Variants in CCR9 observed in about 807,000 individuals in gnomAD.
The protein encoded by CCR9 is C-C motif chemokine receptor 9.
In CCR9, 4 loss-of-function variants were observed where a neutral mutation model predicts 8.7. The ratio of observed to expected loss-of-function variants is 0.46; its 90% CI spans 0.23 to 1.06. The LOEUF is 1.06. Ranked by LOEUF, CCR9 falls within the 50% of genes least tolerant of loss-of-function variation. CCR9 has a pLI of 0.21. For synonymous variants in CCR9, 159 were observed against 168.8 expected (o/e 0.94, Z 0.45); for missense variants, 394 against 453.6 (o/e 0.87, Z 1.19).
In CCR9 at chr3:45,901,637, C is replaced by T. The variant is rs1335171708; in HGVS notation, c.849C>T (p.Ala283=). Residue 283 remains alanine, a synonymous_variant, in exon 3 of 3, where the codon GCC becomes GCT. Transcript: ENST00000357632. This position sits in a 1 kb window ranked among gnomAD's most constrained non-coding sequence, Gnocchi z 4.3. ...ILLVQTIDAY[A]MFISNCAVST... is the part of the protein sequence containing the mutation. ...TGGTGCAGACCATTGACGCCTATGC[C>T]ATGTTCATCTCCAACTGTGCCGTTT... 1 of 1,614,178 alleles carries T rather than the reference C, an allele frequency of 6.2e-7. No individual in the cohort carries two copies. The highest frequency in any genetic ancestry group is 8.5e-7 in the Non-Finnish European group (1 of 1,180,004).
intron 2 of CCR9, among the ~76,000 whole-genome samples, chr3:45,898,410 C>A (rs900497934): frequency 2.6e-5 from 4 of 152,248 alleles, no homozygotes; most frequent in African/African-American, 9.6e-5. Flanking sequence ...AGAAACATCT[C>A]TAAGTGTAAA....
chr3:45,901,934 A>G lies in CCR9; in HGVS notation c.*36A>G. 6.6e-7 allele frequency: 1 copy of G among 1,512,904 alleles called. No individual in the cohort carries two copies. Among genetic ancestry groups the G allele is most frequent in the Non-Finnish European group, 8.9e-7 (1 of 1,126,008 alleles). 93.7% of individuals were successfully genotyped at this position (1,512,904 alleles called of 1,614,324 possible). A position where few individuals can be genotyped will look rare whatever the true frequency, so the allele number is the denominator to read the frequency against. ...CTGAGGTGCATGGTTCTTTTGGAAG[A>G]AATGAGAAATACAGAAACAGTTTCC... On this transcript the variant is annotated 3_prime_UTR_variant, in exon 3 of 3. Transcript: ENST00000357632. The surrounding 1 kb of genome is among the most constrained non-coding windows in gnomAD (Gnocchi z 4.3).
chr3:45,891,025 A>T (rs1434204139), intron 1 of CCR9, among the ~76,000 whole-genome samples: 1 of 152,252 alleles, frequency 6.6e-6, no homozygotes, highest in Admixed American at 6.5e-5. Context: ...TAGGAAGATT[A>T]CGGGTGATTT....
intron 1 of CCR9, among the ~76,000 whole-genome samples, chr3:45,891,685 C>T (rs554083530): frequency 1.3e-5 from 2 of 152,254 alleles, no homozygotes; most frequent in African/African-American, 2.4e-5. Flanking sequence ...TAATGTCCTT[C>T]ACAATTATTT....
rs144572508 is a variant in CCR9, at chr3:45,899,629, A to G, written c.22-1181A>G. On this transcript the variant is annotated intron_variant, in intron 2 of 2. Transcript: ENST00000357632. ...TCAAGGAAAGGGAGTGAGAGCTGGTAGTCCCTGGTGGAATTTGGGAGTCCT... is the reference window on the plus strand; with the variant it reads ...TCAAGGAAAGGGAGTGAGAGCTGGTGGTCCCTGGTGGAATTTGGGAGTCCT... 1.0e-3 allele frequency among the ~76,000 whole-genome samples: 153 copies of G among 152,332 alleles called. No homozygotes were observed. The Middle Eastern group carries it at 0.014, about 14-fold the overall frequency.
chr3:45,897,700 C>A, intron 2 of CCR9: 1 of 1,162,754 alleles, frequency 8.6e-7, no homozygotes, highest in South Asian at 1.5e-5. Context: ...CCCCAGGAAC[C>A]AAAGTCGTCC....
At position 45,900,792 on chromosome 3, in the gene CCR9, T is replaced by G. The variant is rs990073695; in HGVS notation, c.22-18T>G. On this transcript the variant is annotated intron_variant, in intron 2 of 2. Coordinates refer to ENST00000357632, the MANE Select transcript of CCR9 (RefSeq NM_031200.3). The surrounding 1 kb of genome is among the most constrained non-coding windows in gnomAD (Gnocchi z 4.7). ...AAATATTTTCCTTGACCTAATGCCA[T>G]CTTGTGTCCCCTTGCAGAGCCCTAT... 1 of 1,596,192 alleles carries G rather than the reference T, an allele frequency of 6.3e-7. No individual in the cohort carries two copies. Among genetic ancestry groups the G allele is most frequent in the African/African-American group, 1.3e-5 (1 of 74,538 alleles).
At chr3:45,886,284 T>A (rs561111416), upstream of CCR9, among the ~76,000 whole-genome samples, 9 of 152,312 alleles carry the variant, frequency 5.9e-5, no homozygotes, top group African/African-American at 1.9e-4. Flanking sequence ...ATTTCCCCAT[T>A]CCCTGTAAGC....
At position 45,900,668 on chromosome 3, in the gene CCR9, G is replaced by A. The variant is rs1702521558; in HGVS notation, c.22-142G>A. ...AAATAAATATGTCACAACCCAAGCA[G>A]ATGTCCTCAGAATGCCTATGTGTCT... On this transcript the variant is annotated intron_variant, in intron 2 of 2. Transcript: ENST00000357632. The surrounding 1 kb of genome is among the most constrained non-coding windows in gnomAD (Gnocchi z 4.7). 2 of 744,944 alleles carry A rather than the reference G, an allele frequency of 2.7e-6. No homozygotes were observed. The allele number at this position is 744,944 out of a possible 1,614,324, so 46.1% of individuals were successfully genotyped here.
chr3:45,900,872 C>G lies in CCR9; in HGVS notation c.84C>G (p.Tyr28Ter). The G allele has an allele frequency of 6.2e-7, 1 of 1,614,074 alleles. No homozygotes were observed. Among genetic ancestry groups the G allele is most frequent in the Non-Finnish European group, 8.5e-7 (1 of 1,179,940 alleles). ...AATCCACATCTTCCATGGAAGACTA[C>G]GTTAACTTCAACTTCACTGACTTCT... ...GSESTSSMED[Y>*]VNFNFTDFYC... Residue 28 changes from tyrosine to a stop codon, truncating the protein, a stop_gained, in exon 3 of 3, where the codon TAC becomes TAG. Coordinates refer to ENST00000357632, the MANE Select transcript of CCR9 (RefSeq NM_031200.3). LOFTEE classifies it low-confidence loss of function (END_TRUNC). This position sits in a 1 kb window ranked among gnomAD's most constrained non-coding sequence, Gnocchi z 4.7.
chr3:45,895,090 C>A (rs41289610), intron 2 of CCR9, 136 bp downstream of exon 2: 3 of 924,594 alleles, frequency 3.2e-6, no homozygotes, highest in African/African-American at 1.6e-5. Context: ...CCTGGCAATG[C>A]GCATTGCTGG....
intron 2 of CCR9, among the ~76,000 whole-genome samples, chr3:45,899,876 A>G (rs1414710842): frequency 6.6e-6 from 1 of 152,308 alleles, no homozygotes; most frequent in East Asian, 1.9e-4. Flanking sequence ...CAGGGGTTTT[A>G]GGATGGCTTC....
chr3:45,895,040 G>A (rs553478232), intron 2 of CCR9, 86 bp downstream of exon 2: 5 of 1,351,780 alleles, frequency 3.7e-6, no homozygotes, highest in Admixed American at 1.7e-5. Flanking sequence ...CACTGTGGGG[G>A]AAGGATTTAT....
At chr3:45,888,902 A>G (rs974911548) in intron 1 of CCR9, among the ~76,000 whole-genome samples, 2 of 152,226 alleles carry the variant, frequency 1.3e-5, no homozygotes, top group African/African-American at 4.8e-5. Flanking sequence ...CAAATTTTCT[A>G]TGAGCCAGAA....
At chr3:45,894,980 T>C (rs755280594) in intron 2 of CCR9, 26 bp downstream of exon 2, 5 of 1,611,444 alleles carry the variant, frequency 3.1e-6, no homozygotes, top group Non-Finnish European at 2.5e-6. Context: ...CTCCTCTGGC[T>C]CCTCAAAACA....
chr3:45,896,001 A>G (rs1364678309), intron 2 of CCR9, among the ~76,000 whole-genome samples: 1 of 152,240 alleles, frequency 6.6e-6, no homozygotes, highest in Non-Finnish European at 1.5e-5. Flanking sequence ...TGGTTGAAAC[A>G]GTTTATCAAC....
chr3:45,891,853 G>GT (rs1702189592), intron 1 of CCR9, among the ~76,000 whole-genome samples: 1 of 152,002 alleles, frequency 6.6e-6, no homozygotes, highest in African/African-American at 2.4e-5. Flanking sequence ...TTCATTTTGC[G>GT]TTTTTCTGAT....
chr3:45,887,251 C>CTGTGTGTG lies in CCR9; in HGVS notation c.-29+613_-29+620dup, dbSNP rs36040178. ...TCCTTTCTATTAAGTGCGTGTGTGT[C>CTGTGTGTG]TGTGTGTGTGTGTGTGTGTGTGTGA... On this transcript the variant is annotated intron_variant, in intron 1 of 2. Transcript: ENST00000357632. 4.0e-3 allele frequency among the ~76,000 whole-genome samples: 599 copies of CTGTGTGTG among 149,214 alleles called. 1 individual carries two copies. Among genetic ancestry groups the CTGTGTGTG allele is most frequent in the African/African-American group, 0.014 (553 of 40,706 alleles).
At chr3:45,894,391 A>C (rs530897183) in intron 1 of CCR9, among the ~76,000 whole-genome samples, 1 of 152,094 alleles carries the variant, frequency 6.6e-6, no homozygotes, top group Non-Finnish European at 1.5e-5. Flanking sequence ...CCACCTGGTT[A>C]CTCAAAGGCC....
Sources: allele counts gnomAD v4.1 joint callset (sites outside exome capture counted in the v4.1 genomes callset), GRCh38; gene constraint gnomAD v4.1.1; non-coding constraint Gnocchi (gnomAD v3.1); transcripts MANE v1.5; gene names NCBI Gene and HGNC (gene_info 2026-07-23, HGNC 2026-07-21).